Variants in CYRIA observed in about 807,000 individuals in gnomAD.
The protein encoded by CYRIA is CYFIP related Rac1 interactor A.
In CYRIA, 15 loss-of-function variants were observed where a neutral mutation model predicts 43.9. That is an observed-to-expected ratio of 0.34 (90% confidence interval 0.23 to 0.53). CYRIA has a LOEUF of 0.53. CYRIA is among the 20% of genes least tolerant of loss of function. The pLI is 0.94. For synonymous variants in CYRIA, 117 were observed against 136.0 expected (o/e 0.86, Z 0.97); for missense variants, 236 against 394.2 (o/e 0.60, Z 3.40).
intron 3 of CYRIA, among the ~76,000 whole-genome samples, 160 bp downstream of exon 3, chr2:16,587,886 TACTC>T: frequency 6.6e-6 from 1 of 152,278 alleles, no homozygotes; most frequent in Middle Eastern, 3.4e-3. Context: ...CTTTATAAAT[TACTC>T]AGTCTCATGT....
intron 3 of CYRIA, among the ~76,000 whole-genome samples, chr2:16,576,321 C>T (rs574137599): frequency 2.0e-5 from 3 of 152,186 alleles, no homozygotes; most frequent in Non-Finnish European, 2.9e-5. Flanking sequence ...GTGAAAGTTA[C>T]GAACTATCAG....
intron 2 of CYRIA, among the ~76,000 whole-genome samples, chr2:16,589,045 T>C (rs1667832351): frequency 6.6e-6 from 1 of 152,082 alleles, no homozygotes; most frequent in East Asian, 1.9e-4. Context: ...TTAAACTATC[T>C]TTTTAGGGAA....
At chr2:16,649,331 C>T (rs537685446) in intron 1 of CYRIA, among the ~76,000 whole-genome samples, 1 of 152,222 alleles carries the variant, frequency 6.6e-6, no homozygotes, top group African/African-American at 2.4e-5. Flanking sequence ...GAAGGATGTA[C>T]AGCACAGGGG....
chr2:16,556,934 G>A (rs1237856388), intron 10 of CYRIA, among the ~76,000 whole-genome samples: 2 of 152,080 alleles, frequency 1.3e-5, no homozygotes, highest in African/African-American at 4.8e-5. Flanking sequence ...CCTGAGACGG[G>A]AACCCAGGAG....
At chr2:16,652,248 C>G (rs1027364827) in intron 1 of CYRIA, among the ~76,000 whole-genome samples, 1 of 152,150 alleles carries the variant, frequency 6.6e-6, no homozygotes, top group Non-Finnish European at 1.5e-5. Context: ...CTCTTACCTA[C>G]CCCCCTCACA....
chr2:16,580,566 C>T (rs1667518041), intron 3 of CYRIA, among the ~76,000 whole-genome samples: 1 of 152,088 alleles, frequency 6.6e-6, no homozygotes, highest in Non-Finnish European at 1.5e-5. Flanking sequence ...GGCAATTCTC[C>T]CCTAATTGTT....
chr2:16,616,293 T>C (rs1668787199), intron 2 of CYRIA, among the ~76,000 whole-genome samples: 1 of 152,172 alleles, frequency 6.6e-6, no homozygotes, highest in Non-Finnish European at 1.5e-5. Flanking sequence ...CAAGTAGAAC[T>C]TACTGCTCAC....
At chr2:16,577,326 TTTA>T (rs1572473524) in intron 3 of CYRIA, among the ~76,000 whole-genome samples, 2 of 152,262 alleles carry the variant, frequency 1.3e-5, no homozygotes, top group East Asian at 3.9e-4. Context: ...ATAATGTTAA[TTTA>T]GATATATATC....
intron 4 of CYRIA, among the ~76,000 whole-genome samples, 172 bp downstream of exon 4, chr2:16,565,474 C>T (rs905656113): frequency 6.6e-6 from 1 of 152,218 alleles, no homozygotes; most frequent in Non-Finnish European, 1.5e-5. Flanking sequence ...GCGTGAGCCA[C>T]CGCAGCCGGC....
chr2:16,559,902 T>C (rs1278478861), intron 9 of CYRIA, among the ~76,000 whole-genome samples: 2 of 152,162 alleles, frequency 1.3e-5, no homozygotes. Flanking sequence ...CAGGTCCCTC[T>C]GGCTGTCCAA....
intron 2 of CYRIA, among the ~76,000 whole-genome samples, chr2:16,611,327 T>C (rs1290486534): frequency 6.6e-6 from 1 of 152,140 alleles, no homozygotes; most frequent in African/African-American, 2.4e-5. Flanking sequence ...ATTGCACCAC[T>C]GCACTCCAGC....
intron 9 of CYRIA, 165 bp downstream of exon 9, chr2:16,560,825 G>A: frequency 1.5e-6 from 1 of 662,884 alleles, no homozygotes; most frequent in Non-Finnish European, 2.7e-6. Flanking sequence ...ATGCAGTAGT[G>A]ATAGTGACAC....
intron 3 of CYRIA, among the ~76,000 whole-genome samples, chr2:16,575,881 A>T (rs943431521): frequency 9.6e-4 from 144 of 149,568 alleles, no homozygotes; most frequent in Non-Finnish European, 4.2e-4. Flanking sequence ...AATAAATAAA[A>T]TAAATAAATA....
intron 3 of CYRIA, among the ~76,000 whole-genome samples, chr2:16,583,659 C>T (rs911861064): frequency 1.3e-5 from 2 of 152,206 alleles, no homozygotes; most frequent in African/African-American, 2.4e-5. Context: ...AGACATACTT[C>T]TTCCTGTAAA....
intron 2 of CYRIA, among the ~76,000 whole-genome samples, chr2:16,618,497 T>A (rs1668882187): frequency 6.6e-6 from 1 of 152,062 alleles, no homozygotes; most frequent in African/African-American, 2.4e-5. Flanking sequence ...ATAGGGCCCC[T>A]AAGAACAAGA....
At chr2:16,572,881 C>T (rs1445414120) in intron 3 of CYRIA, among the ~76,000 whole-genome samples, 7 of 152,188 alleles carry the variant, frequency 4.6e-5, no homozygotes, top group Non-Finnish European at 7.3e-5. Context: ...ATATCACTTA[C>T]TCTCTGCTCT....
chr2:16,575,445 A>G (rs1199139586), intron 3 of CYRIA, among the ~76,000 whole-genome samples: 1 of 152,124 alleles, frequency 6.6e-6, no homozygotes, highest in Non-Finnish European at 1.5e-5. Context: ...TCTCATCTTG[A>G]ATTCCCACAT....
At position 16,631,498 on chromosome 2, in the gene CYRIA, C is replaced by T. The variant is rs145368432; in HGVS notation, c.-166-7479G>A. Among the ~76,000 whole-genome samples, 207 of 152,294 alleles carry T rather than the reference C, an allele frequency of 1.4e-3. 1 individual carries two copies. The highest frequency in any genetic ancestry group is 2.4e-3 in the Non-Finnish European group (161 of 68,030). On this transcript the variant is annotated intron_variant, in intron 1 of 11. Coordinates refer to ENST00000381323, the MANE Select transcript of CYRIA (RefSeq NM_030797.4). ...GTAGCTGGATGGTAAGCTGATATCC[C>T]AAATGCTTTAGTAAGCATTAGTGGA...
chr2:16,575,878 A>AAAATAAAT (rs71297007), intron 3 of CYRIA, among the ~76,000 whole-genome samples: 30,738 of 147,836 alleles, frequency 0.21, 3,470 homozygotes, highest in Admixed American at 0.28. Context: ...ATAAATAAAT[A>AAAATAAAT]AAATAAATAA....
Sources: gnomAD v4.1 joint callset for allele counts (sites outside exome capture counted in the v4.1 genomes callset) on GRCh38, gnomAD v4.1.1 for gene constraint, MANE v1.5 for transcripts, NCBI Gene and HGNC (gene_info 2026-07-23, HGNC 2026-07-21) for gene names.